The following GRIK2 variants were observed in gnomAD, a reference collection of about 807,000 sequenced individuals.
The protein encoded by GRIK2 is glutamate receptor ionotropic, kainate 2.
In GRIK2, 32 loss-of-function variants were observed where a neutral mutation model predicts 100.3. The observed-to-expected ratio is 0.32, with a 90% confidence interval of 0.24 to 0.43. The LOEUF is 0.43. Among genes scored for constraint, GRIK2 ranks in the 20% least tolerant of loss-of-function variants. The pLI is 1.00. For missense variants in GRIK2, 843 were observed against 1,114.9 expected (o/e 0.76, Z 3.47); for synonymous variants, 417 against 389.4 (o/e 1.07, Z -0.83).
At chr6:101,674,929 G>A (rs891167465) in intron 4 of GRIK2, among the ~76,000 whole-genome samples, 2 of 152,046 alleles carry the variant, frequency 1.3e-5, no homozygotes, top group African/African-American at 4.8e-5. Context: ...TATTTATGGA[G>A]TATAATGTAA....
intron 10 of GRIK2, among the ~76,000 whole-genome samples, chr6:101,824,222 G>T (rs1006334203): frequency 6.6e-6 from 1 of 151,732 alleles, no homozygotes; most frequent in African/African-American, 2.4e-5. Context: ...TGAGATTTTG[G>T]TGCACTCATC....
intron 7 of GRIK2, among the ~76,000 whole-genome samples, chr6:101,789,024 G>T (rs545789342): frequency 6.6e-6 from 1 of 152,168 alleles, no homozygotes; most frequent in African/African-American, 2.4e-5. Flanking sequence ...AGAAGTGTGT[G>T]TTCATATCCT....
At chr6:101,916,914 G>A (rs186520575) in intron 12 of GRIK2, among the ~76,000 whole-genome samples, 26 of 151,562 alleles carry the variant, frequency 1.7e-4, no homozygotes, top group Middle Eastern at 6.8e-3. Flanking sequence ...AATTTTAGTC[G>A]CAGGCAAGTC....
Position 101,642,006 on chromosome 6 carries a change from C to T in GRIK2, c.541+15369C>T, listed in dbSNP as rs142590269. On this transcript the variant is annotated intron_variant, in intron 4 of 16. Coordinates refer to ENST00000369134, the MANE Select transcript of GRIK2 (RefSeq NM_021956.5). Reference sequence around the variant, plus strand: ...GTTTAATTTATTGTTGTAACTGCTTCGCTATTTAGGAGAATAGAATTGGTT... The same window carrying T: ...GTTTAATTTATTGTTGTAACTGCTTTGCTATTTAGGAGAATAGAATTGGTT... 3.1e-3 allele frequency among the ~76,000 whole-genome samples: 473 copies of T among 151,924 alleles called. 4 individuals are homozygous for T. The highest frequency in any genetic ancestry group is 0.011 in the African/African-American group (443 of 41,512).
chr6:101,910,090 CTT>C (rs1269256714), intron 12 of GRIK2, among the ~76,000 whole-genome samples: 2 of 150,944 alleles, frequency 1.3e-5, no homozygotes, highest in Non-Finnish European at 3.0e-5. Flanking sequence ...AACAGAATCA[CTT>C]AAATTATTTT....
intron 2 of GRIK2, among the ~76,000 whole-genome samples, chr6:101,441,560 A>G (rs1309927489): frequency 6.6e-6 from 1 of 152,152 alleles, no homozygotes; most frequent in Admixed American, 6.6e-5. Context: ...TCAAACATCA[A>G]TAGTTCCACC....
At chr6:102,052,467 G>A (rs1038888143) in intron 15 of GRIK2, among the ~76,000 whole-genome samples, 1 of 152,122 alleles carries the variant, frequency 6.6e-6, no homozygotes, top group Non-Finnish European at 1.5e-5. Flanking sequence ...CACATTCAAT[G>A]CTGGAAATAG....
intron 2 of GRIK2, among the ~76,000 whole-genome samples, chr6:101,541,377 CACACACACACACACACACACA>C (rs1562212453): frequency 6.9e-5 from 10 of 145,234 alleles, no homozygotes; most frequent in Admixed American, 2.0e-4. Flanking sequence ...CGCACACAAC[CACACACACACACACACACACA>C]CACACACACA....
chr6:102,050,315 G>A (rs989130168), intron 15 of GRIK2, among the ~76,000 whole-genome samples: 4 of 151,842 alleles, frequency 2.6e-5, no homozygotes, highest in African/African-American at 7.3e-5. Flanking sequence ...GGAGAGAAGA[G>A]CACAGGAGGG....
At chr6:101,422,707 T>C (rs1338965108) in intron 2 of GRIK2, among the ~76,000 whole-genome samples, 2 of 152,144 alleles carry the variant, frequency 1.3e-5, no homozygotes, top group African/African-American at 4.8e-5. Flanking sequence ...AGAGACACTT[T>C]TGAATATAAA....
At chr6:101,973,787 C>T (rs961062770) in intron 14 of GRIK2, among the ~76,000 whole-genome samples, 31 of 151,736 alleles carry the variant, frequency 2.0e-4, no homozygotes, top group Non-Finnish European at 3.2e-4. Flanking sequence ...AGATACAGTA[C>T]GAACTAAAAG....
intron 14 of GRIK2, among the ~76,000 whole-genome samples, chr6:101,971,273 A>T (rs1329033585): frequency 6.6e-6 from 1 of 152,064 alleles, no homozygotes; most frequent in Non-Finnish European, 1.5e-5. Context: ...TCTAATTATA[A>T]CAAAAATGTA....
chr6:101,974,323 A>G (rs1046547161), intron 14 of GRIK2, among the ~76,000 whole-genome samples: 3 of 152,004 alleles, frequency 2.0e-5, no homozygotes, highest in African/African-American at 2.4e-5. Context: ...AAATTGATCA[A>G]TAGTAGATAT....
At chr6:101,891,027 T>C (rs2852624) in intron 12 of GRIK2, among the ~76,000 whole-genome samples, 1,785 of 150,638 alleles carry the variant, frequency 0.012, 45 homozygotes, top group African/African-American at 0.042. Flanking sequence ...ATAAACAAAA[T>C]TAAATATGCA....
intron 7 of GRIK2, among the ~76,000 whole-genome samples, chr6:101,691,903 G>A (rs932039047): frequency 7.2e-5 from 11 of 151,820 alleles, no homozygotes; most frequent in African/African-American, 2.7e-4. Context: ...AGATTTACTT[G>A]TATAGCTGGG....
At chr6:101,687,862 A>G (rs891281096) in intron 7 of GRIK2, among the ~76,000 whole-genome samples, 1 of 151,540 alleles carries the variant, frequency 6.6e-6, no homozygotes, top group Non-Finnish European at 1.5e-5. Flanking sequence ...AATAACTTAA[A>G]AATTAAAATA....
At chr6:101,900,846 C>T (rs935781886) in intron 12 of GRIK2, among the ~76,000 whole-genome samples, 7 of 151,248 alleles carry the variant, frequency 4.6e-5, no homozygotes, top group Non-Finnish European at 1.0e-4. Flanking sequence ...ATGATTTTAT[C>T]CTTTCCAATG....
chr6:101,719,138 G>GTTTTTTTTTTTTTTTTT (rs60301711), intron 7 of GRIK2, among the ~76,000 whole-genome samples: 2 of 101,170 alleles, frequency 2.0e-5, no homozygotes, highest in African/African-American at 9.9e-5. Context: ...GGCTGCAAGG[G>GTTTTTTTTTTTTTTTTT]TTTTTTTTTT....
chr6:101,636,332 A>T (rs991295147), intron 4 of GRIK2, among the ~76,000 whole-genome samples: 2 of 152,058 alleles, frequency 1.3e-5, no homozygotes, highest in African/African-American at 4.8e-5. Context: ...GGGGCACATC[A>T]CACACTGGGG....
Sources: gnomAD v4.1 joint callset for allele counts (sites outside exome capture counted in the v4.1 genomes callset) on GRCh38, gnomAD v4.1.1 for gene constraint, MANE v1.5 for transcripts, NCBI Gene and HGNC (gene_info 2026-07-23, HGNC 2026-07-21) for gene names.